The following DOCK3 variants were observed in gnomAD, a reference collection of about 807,000 sequenced individuals.
DOCK3 encodes dedicator of cytokinesis protein 3.
Under a neutral mutation model 265.6 loss-of-function variants are expected in DOCK3, and 60 were observed. The observed-to-expected ratio is 0.23, with a 90% CI of 0.18 to 0.28. The LOEUF is 0.28. Among genes scored for constraint, DOCK3 ranks in the 10% least tolerant of loss-of-function variants. DOCK3 has a pLI of 1.00. For synonymous variants in DOCK3, 881 were observed against 938.0 expected (o/e 0.94, Z 1.11); for missense variants, 1,981 against 2,594.3 (o/e 0.76, Z 5.14).
intron 2 of DOCK3, among the ~76,000 whole-genome samples, chr3:50,799,910 G>C (rs1021048180): frequency 1.3e-5 from 2 of 152,148 alleles, no homozygotes; most frequent in African/African-American, 4.8e-5. Flanking sequence ...CATCATGAAG[G>C]GATGTTGAAT....
intron 51 of DOCK3, among the ~76,000 whole-genome samples, chr3:51,379,094 T>A (rs1427633726): frequency 6.6e-6 from 1 of 152,238 alleles, no homozygotes; most frequent in Non-Finnish European, 1.5e-5. Context: ...CTGTGCTCTC[T>A]CTATATTCTC....
chr3:50,947,037 A>G (rs1479477333), intron 5 of DOCK3, among the ~76,000 whole-genome samples: 1 of 152,162 alleles, frequency 6.6e-6, no homozygotes, highest in African/African-American at 2.4e-5. Flanking sequence ...AACCTAATTG[A>G]TCTATGAGAT....
rs2090188777 is a variant in DOCK3, at chr3:51,223,417, A to G, written c.1253-2232A>G. Among the ~76,000 whole-genome samples the G allele has an allele frequency of 2.0e-5, 3 of 152,192 alleles. No individual in the cohort carries two copies. In the South Asian group the frequency reaches 6.2e-4, roughly 32 times the overall value. ...ACAGATAACTGCTTTTAAAAGCCTC[A>G]TAGATTATTTTCAGAATAACTTCCA... On this transcript the variant is annotated intron_variant, in intron 14 of 52. Transcript: ENST00000266037.
chr3:51,197,816 G>A (rs768192055), intron 12 of DOCK3, among the ~76,000 whole-genome samples: 19 of 152,132 alleles, frequency 1.2e-4, no homozygotes, highest in Non-Finnish European at 2.5e-4. Context: ...CCAGCGGGTG[G>A]GAATGCACAT....
intron 1 of DOCK3, among the ~76,000 whole-genome samples, chr3:50,769,381 A>G (rs1207269129): frequency 6.6e-6 from 1 of 152,196 alleles, no homozygotes; most frequent in African/African-American, 2.4e-5. Context: ...GAAGGAATGT[A>G]CTTCAGCACA....
At chr3:50,828,149 G>A (rs540721147) in intron 2 of DOCK3, among the ~76,000 whole-genome samples, 6 of 151,794 alleles carry the variant, frequency 4.0e-5, no homozygotes, top group Non-Finnish European at 7.4e-5. Flanking sequence ...GGCTGGCCTC[G>A]AACTCCGGAC....
chr3:51,054,468 G>A (rs1342595612), intron 5 of DOCK3, among the ~76,000 whole-genome samples: 1 of 152,078 alleles, frequency 6.6e-6, no homozygotes, highest in Non-Finnish European at 1.5e-5. Flanking sequence ...GATAATGCTG[G>A]CTAATCAGCC....
At chr3:51,097,648 C>A (rs1424789035) in intron 9 of DOCK3, among the ~76,000 whole-genome samples, 2 of 152,216 alleles carry the variant, frequency 1.3e-5, no homozygotes, top group African/African-American at 4.8e-5. Context: ...CTCCAGGCGC[C>A]ACTGGGGTAT....
At chr3:50,877,685 T>G (rs28688802) in intron 3 of DOCK3, 2 of 349,344 alleles carry the variant, frequency 5.7e-6, no homozygotes, top group Non-Finnish European at 1.1e-5. Flanking sequence ...CTTTTCTTTT[T>G]CTTTTTTATG....
At chr3:51,153,844 T>A (rs1039299883) in intron 10 of DOCK3, among the ~76,000 whole-genome samples, 3 of 152,238 alleles carry the variant, frequency 2.0e-5, no homozygotes, top group African/African-American at 7.2e-5. Flanking sequence ...TTAAAAACTA[T>A]CCAGTGGTAT....
At chr3:51,020,405 C>A (rs1217261393) in intron 5 of DOCK3, among the ~76,000 whole-genome samples, 1 of 151,774 alleles carries the variant, frequency 6.6e-6, no homozygotes, top group Non-Finnish European at 1.5e-5. Context: ...AACATTTTCT[C>A]CCATTCTGTA....
chr3:50,770,582 GA>G (rs892827712), intron 1 of DOCK3, among the ~76,000 whole-genome samples: 2 of 150,798 alleles, frequency 1.3e-5, no homozygotes, highest in African/African-American at 2.4e-5. Context: ...CACAAAAATA[GA>G]AAAAAAAATG....
At chr3:51,076,721 A>G (rs528829186) in intron 7 of DOCK3, among the ~76,000 whole-genome samples, 1 of 152,320 alleles carries the variant, frequency 6.6e-6, no homozygotes, top group Non-Finnish European at 1.5e-5. Context: ...TGTGCTGCAT[A>G]TATGTGCTGT....
intron 9 of DOCK3, among the ~76,000 whole-genome samples, chr3:51,116,534 A>C (rs1286428869): frequency 6.6e-6 from 1 of 151,726 alleles, no homozygotes; most frequent in Non-Finnish European, 1.5e-5. Context: ...ATAGCATTGA[A>C]TCTATGAATT....
rs2084519288 is a variant in DOCK3 at position 51,131,249 on chromosome 3, C to T, written c.747-15300C>T. Among the ~76,000 whole-genome samples the T allele has an allele frequency of 2.0e-5, 3 of 152,134 alleles. No homozygotes were observed. The South Asian group carries it at 6.2e-4, about 32-fold the overall frequency. On this transcript the variant is annotated intron_variant, in intron 9 of 52. Coordinates refer to ENST00000266037, the MANE Select transcript of DOCK3 (RefSeq NM_004947.5). Reference sequence around the variant, plus strand: ...AAAACTCCATTAATTGCCTGACTTCCATAAGCCCCTGCATTAACTGGAGGG... The same window carrying T: ...AAAACTCCATTAATTGCCTGACTTCTATAAGCCCCTGCATTAACTGGAGGG...
intron 5 of DOCK3, among the ~76,000 whole-genome samples, chr3:50,971,510 T>C (rs2077231297): frequency 6.6e-6 from 1 of 152,128 alleles, no homozygotes. Context: ...GTATGAACAG[T>C]CTCACTCCCT....
intron 27 of DOCK3, among the ~76,000 whole-genome samples, chr3:51,301,016 G>A (rs2082335211): frequency 6.6e-6 from 1 of 152,184 alleles, no homozygotes; most frequent in African/African-American, 2.4e-5. Context: ...GAATTCAGCT[G>A]TGAATCCATC....
chr3:51,212,079 TAGGA>T (rs2089539082), intron 13 of DOCK3, among the ~76,000 whole-genome samples: 1 of 152,184 alleles, frequency 6.6e-6, no homozygotes, highest in African/African-American at 2.4e-5. Context: ...GTTTCAGAAC[TAGGA>T]AGGAAACCCA....
intron 9 of DOCK3, among the ~76,000 whole-genome samples, chr3:51,129,314 C>T (rs1466188208): frequency 6.6e-6 from 1 of 152,150 alleles, no homozygotes; most frequent in Non-Finnish European, 1.5e-5. Context: ...CTGCATATCG[C>T]GCAGAGCCAC....
Sources: allele counts gnomAD v4.1 joint callset (sites outside exome capture counted in the v4.1 genomes callset), GRCh38; gene constraint gnomAD v4.1.1; transcripts MANE v1.5; gene names NCBI Gene and HGNC (gene_info 2026-07-23, HGNC 2026-07-21).